The following TGFB2 variants were observed in gnomAD, a reference collection of about 807,000 sequenced individuals.
The protein encoded by TGFB2 is transforming growth factor beta 2.
Under a neutral mutation model 42.7 loss-of-function variants are expected in TGFB2, and 13 were observed. The observed-to-expected ratio is 0.30, with a 90% CI of 0.20 to 0.48. The LOEUF (loss-of-function observed/expected upper bound fraction) is 0.48, where lower values mean the gene tolerates loss of function less well. Among genes scored for constraint, TGFB2 ranks in the 20% least tolerant of loss-of-function variants. TGFB2 has a pLI of 0.99. For synonymous variants in TGFB2, 193 were observed against 193.6 expected (o/e 1.00, Z 0.03); for missense variants, 390 against 517.5 (o/e 0.75, Z 2.39).
intron 5 of TGFB2, 54 bp downstream of exon 5, chr1:218,436,201 C>A (rs1659968162): frequency 3.8e-6 from 6 of 1,570,716 alleles, no homozygotes; most frequent in Non-Finnish European, 5.2e-6. Flanking sequence ...TCTTAAACTG[C>A]CTTTGCCCTT....
rs546402569 is a variant in TGFB2, at chr1:218,384,174, G to C, written c.347-20995G>C. Among the ~76,000 whole-genome samples the C allele has an allele frequency of 1.4e-3, 212 of 152,120 alleles. 4 individuals are homozygous for C. The highest frequency in any genetic ancestry group is 5.9e-5 in the Non-Finnish European group (4 of 67,984). On this transcript the variant is annotated intron_variant, in intron 1 of 6. Transcript: ENST00000366930. Reference sequence around the variant, plus strand: ...TAAGTATTTTGAATGCATTGGTTATGGGTTTTATTTTTAATAACTGTCTTG... The same window carrying C: ...TAAGTATTTTGAATGCATTGGTTATCGGTTTTATTTTTAATAACTGTCTTG...
In TGFB2 at chr1:218,441,491, A is replaced by G; in HGVS notation, c.*129A>G. On this transcript the variant is annotated 3_prime_UTR_variant, in exon 7 of 7. Transcript: ENST00000366930. Reference sequence around the variant, plus strand: ...TTCATCAGTGTTAAAAAATTTTTGAAAAGGCGGTACTAGTTCAGACACTTT... The same window carrying G: ...TTCATCAGTGTTAAAAAATTTTTGAGAAGGCGGTACTAGTTCAGACACTTT... 1 of 961,824 alleles carries G rather than the reference A, an allele frequency of 1.0e-6. No individual in the cohort carries two copies. Among genetic ancestry groups the G allele is most frequent in the Non-Finnish European group, 1.5e-6 (1 of 680,146 alleles). 59.6% of individuals were successfully genotyped at this position (961,824 alleles called of 1,614,324 possible).
intron 1 of TGFB2, among the ~76,000 whole-genome samples, chr1:218,352,162 G>T (rs1273437641): frequency 6.7e-6 from 1 of 150,132 alleles, no homozygotes; most frequent in Non-Finnish European, 1.5e-5. Flanking sequence ...AGGTTCAGGA[G>T]TAAGGTGAGC....
intron 1 of TGFB2, among the ~76,000 whole-genome samples, chr1:218,384,744 A>G (rs1658075606): frequency 6.6e-6 from 1 of 152,300 alleles, no homozygotes; most frequent in South Asian, 2.1e-4. Context: ...CAGTCCATTC[A>G]CACCCCTAGA....
intron 1 of TGFB2, among the ~76,000 whole-genome samples, chr1:218,366,018 C>T (rs1162164387): frequency 6.6e-6 from 1 of 152,136 alleles, no homozygotes; most frequent in Non-Finnish European, 1.5e-5. Flanking sequence ...AAATTAAATA[C>T]CCTGGAGGAG....
intron 1 of TGFB2, among the ~76,000 whole-genome samples, chr1:218,367,171 T>A (rs749664113): frequency 1.6e-4 from 24 of 152,140 alleles, no homozygotes; most frequent in Non-Finnish European, 3.5e-4. Context: ...TAGTGTTTAA[T>A]GCATAAGTGA....
Position 218,365,456 on chromosome 1 carries a change from A to C in TGFB2, c.346+18409A>C, listed in dbSNP as rs545379025. ...GAGCTTCTGTCTTCCTTTGGTGAAA[A>C]AGCATTGGAAACCCACCCTGCTCCT... is the stretch of plus-strand genomic sequence containing the variant. On this transcript the variant is annotated intron_variant, in intron 1 of 6. Transcript: ENST00000366930. 4.5e-4 allele frequency among the ~76,000 whole-genome samples: 69 copies of C among 152,140 alleles called. 1 individual carries two copies. The South Asian group carries it at 0.014, about 31-fold the overall frequency.
intron 1 of TGFB2, among the ~76,000 whole-genome samples, chr1:218,366,314 T>C (rs896136256): frequency 1.5e-4 from 23 of 152,024 alleles, no homozygotes; most frequent in Non-Finnish European, 3.1e-4. Context: ...CTCTCTCTCT[T>C]TTTTTAGAGA....
At chr1:218,429,557 G>C (rs1171953085) in intron 2 of TGFB2, among the ~76,000 whole-genome samples, 1 of 152,146 alleles carries the variant, frequency 6.6e-6, no homozygotes, top group Non-Finnish European at 1.5e-5. Flanking sequence ...TATGAACATT[G>C]ATGTATAAGT....
chr1:218,431,415 C>T (rs1041396118), intron 2 of TGFB2, among the ~76,000 whole-genome samples: 4 of 152,074 alleles, frequency 2.6e-5, no homozygotes, highest in Non-Finnish European at 5.9e-5. Context: ...CATTATGTGT[C>T]TTTTCTGCTT....
chr1:218,376,955 G>A (rs1418323354), intron 1 of TGFB2, among the ~76,000 whole-genome samples: 1 of 152,168 alleles, frequency 6.6e-6, no homozygotes, highest in Non-Finnish European at 1.5e-5. Flanking sequence ...GTGCAGTGGT[G>A]TAATGATAGC....
chr1:218,430,939 T>G (rs1458614845), intron 2 of TGFB2, among the ~76,000 whole-genome samples: 1 of 152,140 alleles, frequency 6.6e-6, no homozygotes, highest in Non-Finnish European at 1.5e-5. Flanking sequence ...TTAATCATAG[T>G]CTCCAAGAAT....
At chr1:218,401,829 C>T (rs141714568) in intron 1 of TGFB2, among the ~76,000 whole-genome samples, 2 of 152,346 alleles carry the variant, frequency 1.3e-5, no homozygotes, top group East Asian at 3.9e-4. Flanking sequence ...GAGCCTGCCG[C>T]GTCCCGACTG....
intron 1 of TGFB2, among the ~76,000 whole-genome samples, chr1:218,376,918 C>G (rs952694058): frequency 6.6e-6 from 1 of 152,114 alleles, no homozygotes; most frequent in African/African-American, 2.4e-5. Flanking sequence ...TTTTGAGACA[C>G]GGTCTTGCTC....
At chr1:218,428,456 T>C (rs556986340) in intron 2 of TGFB2, among the ~76,000 whole-genome samples, 1 of 152,374 alleles carries the variant, frequency 6.6e-6, no homozygotes, top group African/African-American at 2.4e-5. Context: ...TTCTAGGGCT[T>C]TTATGGTTTT....
At chr1:218,413,916 A>G (rs1205921678) in intron 2 of TGFB2, among the ~76,000 whole-genome samples, 1 of 152,202 alleles carries the variant, frequency 6.6e-6, no homozygotes, top group Non-Finnish European at 1.5e-5. Context: ...ATATTAACTG[A>G]TTTTTCAGAC....
At chr1:218,436,890 A>T (rs1659988877) in intron 5 of TGFB2, among the ~76,000 whole-genome samples, 1 of 152,224 alleles carries the variant, frequency 6.6e-6, no homozygotes, top group Non-Finnish European at 1.5e-5. Flanking sequence ...GGTGAAACAA[A>T]GGATCAATTC....
At chr1:218,420,888 C>G (rs1659433766) in intron 2 of TGFB2, among the ~76,000 whole-genome samples, 1 of 151,194 alleles carries the variant, frequency 6.6e-6, no homozygotes, top group Admixed American at 6.6e-5. Flanking sequence ...TCCACGGGAG[C>G]TGACTGAAGG....
rs748882381 is a variant in TGFB2, at chr1:218,379,126, C to CTTTTTTTT, written c.347-26040_347-26039insTTTTTTTT. 3.5e-5 allele frequency among the ~76,000 whole-genome samples: 5 copies of CTTTTTTTT among 143,786 alleles called. 1 individual carries two copies. The highest frequency in any genetic ancestry group is 3.6e-3 in the Middle Eastern group (1 of 276). 94.3% of individuals were successfully genotyped at this position (143,786 alleles called of 152,430 possible). On this transcript the variant is annotated intron_variant, in intron 1 of 6. Coordinates refer to ENST00000366930, the MANE Select transcript of TGFB2 (RefSeq NM_003238.6). ...AACACATGGTACATTTTCTTTCTTT[C>CTTTTTTTT]TTTCTTTTTTTTTTTTCTTTTTTAG...
Sources: allele counts gnomAD v4.1 joint callset (sites outside exome capture counted in the v4.1 genomes callset), GRCh38; gene constraint gnomAD v4.1.1; transcripts MANE v1.5; gene names NCBI Gene and HGNC (gene_info 2026-07-23, HGNC 2026-07-21).